Variants in HDAC2 observed in about 807,000 individuals in gnomAD.
HDAC2 encodes YY1-associated factor 1.
Under a neutral mutation model 68.5 loss-of-function variants are expected in HDAC2, and 5 were observed. The ratio of observed to expected loss-of-function variants is 0.07; its 90% confidence interval spans 0.04 to 0.15. The LOEUF (loss-of-function observed/expected upper bound fraction) is 0.15, where lower values mean the gene tolerates loss of function less well. Among genes scored for constraint, HDAC2 ranks in the 10% least tolerant of loss-of-function variants. HDAC2 has a pLI of 1.00. For missense variants in HDAC2, 291 were observed against 600.8 expected (o/e 0.48, Z 5.39); for synonymous variants, 182 against 191.3 (o/e 0.95, Z 0.40).
chr6:113,970,620 G>A (rs1367028971), intron 1 of HDAC2: 4 of 1,333,554 alleles, frequency 3.0e-6, no homozygotes, highest in Non-Finnish European at 3.8e-6. Flanking sequence ...GCCGAAGGGG[G>A]AGAGGCAGGA....
chr6:113,953,816 T>C (rs951094552), intron 5 of HDAC2, among the ~76,000 whole-genome samples: 2 of 152,266 alleles, frequency 1.3e-5, no homozygotes, highest in African/African-American at 2.4e-5. Context: ...ATTTGGCCAA[T>C]TGCCTCTTTT....
chr6:113,950,916 T>A (rs1370452142), intron 6 of HDAC2, among the ~76,000 whole-genome samples: 1 of 152,060 alleles, frequency 6.6e-6, no homozygotes, highest in Non-Finnish European at 1.5e-5. Context: ...ACACACCTCC[T>A]CTCCCAATTT....
chr6:113,966,375 C>A (rs1324689991), intron 1 of HDAC2, among the ~76,000 whole-genome samples: 2 of 151,776 alleles, frequency 1.3e-5, no homozygotes, highest in Non-Finnish European at 2.9e-5. Flanking sequence ...CATGGTAAAA[C>A]CCCCATCTCT....
Position 113,937,792 on chromosome 6 carries a change from T to C in HDAC2, c.*3266A>G, listed in dbSNP as rs1466199574. 3 of 151,808 alleles carry C rather than the reference T, an allele frequency of 2.0e-5. No individual in the cohort carries two copies. The highest frequency in any genetic ancestry group is 4.8e-5 in the African/African-American group (2 of 41,298). 9.4% of individuals were successfully genotyped at this position (151,808 alleles called of 1,614,324 possible). A position where few individuals can be genotyped will look rare whatever the true frequency, so the allele number is the denominator to read the frequency against. On this transcript the variant is annotated 3_prime_UTR_variant, in exon 14 of 14. Coordinates refer to ENST00000519065, the MANE Select transcript of HDAC2 (RefSeq NM_001527.4). ...CCCTAAGCCTAGAAGTTCTAAGATG[T>C]AGTGAGATATGATCAGGCTACCACA...
chr6:113,955,681 AT>A lies in HDAC2; in HGVS notation c.497+331del, dbSNP rs565205987. 2.6e-5 allele frequency among the ~76,000 whole-genome samples: 4 copies of A among 151,106 alleles called. No homozygotes were observed. In the South Asian group the frequency reaches 8.4e-4, roughly 32 times the overall value. On this transcript the variant is annotated intron_variant, in intron 5 of 13. Transcript: ENST00000519065. Reference sequence around the variant, plus strand: ...AGATGCATGCCACCACATCTGGCTAATTTTTTTTCTGTAGAGATGGGGTTTT... The same window carrying A: ...AGATGCATGCCACCACATCTGGCTAATTTTTTTCTGTAGAGATGGGGTTTT...
At position 113,970,905 on chromosome 6, in the gene HDAC2, C is replaced by A; in HGVS notation, c.4G>T (p.Ala2Ser). 3 of 1,549,308 alleles carry A rather than the reference C, an allele frequency of 1.9e-6. No individual in the cohort carries two copies. The highest frequency in any genetic ancestry group is 1.2e-5 in the South Asian group (1 of 84,086). The stretch of plus-strand genomic sequence containing the variant: ...TTTTTGCCGCCTCCTTGACTGTACG[C>A]CATGGGCTCCCCGGCCACCGCCGCC... MAYSQGGGKKKV... is the reference protein window; with the variant it reads MSYSQGGGKKKV... The change falls in exon 1 of 14, where the codon GCG (alanine) becomes TCG (serine). Residue 2 changes from alanine (A) to serine (S), a missense_variant. Ala to Ser is a moderately conservative substitution (Grantham distance 99). Transcript: ENST00000519065.
chr6:113,944,462 C>T (rs1270563844), intron 10 of HDAC2, 52 bp from the exon 11 acceptor site: 1 of 1,493,152 alleles, frequency 6.7e-7, no homozygotes, highest in Non-Finnish European at 9.3e-7. Context: ...CTTTGCAGTT[C>T]TTACATGCAA....
In HDAC2 at chr6:113,940,037, T is replaced by C. The variant is rs192989493; in HGVS notation, c.*1021A>G. 3.3e-5 allele frequency: 5 copies of C among 152,368 alleles called. No individual in the cohort carries two copies. Among genetic ancestry groups the C allele is most frequent in the African/African-American group, 1.2e-4 (5 of 41,596 alleles). The allele number at this position is 152,368 out of a possible 1,614,324, so 9.4% of individuals were successfully genotyped here. ...CAAGTTCCTAAAATGTTTTGTCTTC[T>C]TTGCACATCTTAGTAGCAGGAGTTA... On this transcript the variant is annotated 3_prime_UTR_variant, in exon 14 of 14. Transcript: ENST00000519065.
At chr6:113,942,686 TATA>T (rs1179387656) in intron 12 of HDAC2, among the ~76,000 whole-genome samples, 1 of 152,112 alleles carries the variant, frequency 6.6e-6, no homozygotes, top group Non-Finnish European at 1.5e-5. Flanking sequence ...TGTGAGGTGC[TATA>T]ATATGATGTG....
rs1776213174 is a variant in HDAC2, at chr6:113,944,134, G to A, written c.1222+146C>T. On this transcript the variant is annotated intron_variant, in intron 11 of 13. Coordinates refer to ENST00000519065, the MANE Select transcript of HDAC2 (RefSeq NM_001527.4). ...ACCCAAATCAGGTTCTGAGACATCAGGAAGCTAAATCTCTGAAAGTGGCAA... is the reference window on the plus strand; with the variant it reads ...ACCCAAATCAGGTTCTGAGACATCAAGAAGCTAAATCTCTGAAAGTGGCAA... The A allele has an allele frequency of 3.8e-5, 26 of 690,662 alleles. No individual in the cohort carries two copies. The South Asian group carries it at 4.7e-4, about 12-fold the overall frequency. 42.8% of individuals were successfully genotyped at this position (690,662 alleles called of 1,614,324 possible).
In HDAC2 at chr6:113,936,249, C is replaced by G. The variant is rs1390118972; in HGVS notation, c.*4809G>C. ...TGCTTGTTACATGGCCACCAAGTGACTATAAGAGAAAACACACAGAAAAAA... is the reference window on the plus strand; with the variant it reads ...TGCTTGTTACATGGCCACCAAGTGAGTATAAGAGAAAACACACAGAAAAAA... On this transcript the variant is annotated 3_prime_UTR_variant, in exon 14 of 14. Transcript: ENST00000519065. 1.3e-5 allele frequency: 2 copies of G among 152,016 alleles called. No homozygotes were observed. The highest frequency in any genetic ancestry group is 1.3e-4 in the Admixed American group (2 of 15,262). 9.4% of individuals were successfully genotyped at this position (152,016 alleles called of 1,614,324 possible).
At chr6:113,943,712 AAC>A (rs1455759327) in intron 11 of HDAC2, among the ~76,000 whole-genome samples, 9 of 152,230 alleles carry the variant, frequency 5.9e-5, no homozygotes, top group African/African-American at 1.9e-4. Context: ...ATGGCTCAAA[AAC>A]ACATAATAAA....
Position 113,943,365 on chromosome 6 carries a change from T to C in HDAC2, c.1364A>G (p.Glu455Gly), listed in dbSNP as rs1562140322. ...ACAAATCTGACCTGTTTTTTTGTCCTCTGTTTCTTTCTTATCTTCTTCAAT... is the reference window on the plus strand; with the variant it reads ...ACAAATCTGACCTGTTTTTTTGTCCCCTGTTTCTTTCTTATCTTCTTCAAT... ...ARIEEDKKET[E>G]DKKTDVKEED... The change falls in exon 12 of 14, where the codon GAG becomes GGG. Residue 455 changes from glutamate to glycine, a missense_variant. Physicochemically the swap from Glu to Gly is moderately conservative, Grantham distance 98. Around this residue, in one of 2 missense-constraint regions of HDAC2, gnomAD observed 137 missense variants for 128.7 expected, o/e 1.06. Transcript: ENST00000519065. The C allele has an allele frequency of 6.3e-7, 1 of 1,599,570 alleles. No homozygotes were observed. The highest frequency in any genetic ancestry group is 8.5e-7 in the Non-Finnish European group (1 of 1,176,200).
Position 113,939,590 on chromosome 6 carries a change from G to A in HDAC2, c.*1468C>T, listed in dbSNP as rs1374896391. The A allele has an allele frequency of 6.6e-6, 1 of 152,130 alleles. No individual in the cohort carries two copies. The highest frequency in any genetic ancestry group is 1.5e-5 in the Non-Finnish European group (1 of 68,026). The allele number at this position is 152,130 out of a possible 1,614,324, so 9.4% of individuals were successfully genotyped here. ...CTAATGTCATAAAGGTTTACAGATTGATAACAAATATGTAGCAAAAGTACA... is the reference window on the plus strand; with the variant it reads ...CTAATGTCATAAAGGTTTACAGATTAATAACAAATATGTAGCAAAAGTACA... On this transcript the variant is annotated 3_prime_UTR_variant, in exon 14 of 14. Transcript: ENST00000519065.
intron 12 of HDAC2, among the ~76,000 whole-genome samples, chr6:113,942,276 T>C (rs922481316): frequency 6.6e-6 from 1 of 152,054 alleles, no homozygotes; most frequent in Non-Finnish European, 1.5e-5. Flanking sequence ...AATTTTTGGA[T>C]GTCAATCAGT....
chr6:113,933,782 TACAC>T lies in HDAC2; in HGVS notation c.*7272_*7275del, dbSNP rs748133691. The T allele has an allele frequency of 6.6e-6, 1 of 151,876 alleles. No individual in the cohort carries two copies. The highest frequency in any genetic ancestry group is 1.5e-5 in the Non-Finnish European group (1 of 67,994). The allele number at this position is 151,876 out of a possible 1,614,324, so 9.4% of individuals were successfully genotyped here. A position where few individuals can be genotyped will look rare whatever the true frequency, so the allele number is the denominator to read the frequency against. Reference sequence around the variant, plus strand: ...GTGTATGTATATTATATAATATACATACACACACATATATACACATGTATATATA... The same window carrying T: ...GTGTATGTATATTATATAATATACATACACATATATACACATGTATATATA... On this transcript the variant is annotated 3_prime_UTR_variant, in exon 14 of 14. Coordinates refer to ENST00000519065, the MANE Select transcript of HDAC2 (RefSeq NM_001527.4).
chr6:113,951,338 C>T (rs546365578), intron 6 of HDAC2, among the ~76,000 whole-genome samples: 2 of 152,232 alleles, frequency 1.3e-5, no homozygotes, highest in Non-Finnish European at 2.9e-5. Flanking sequence ...CAAAGATACA[C>T]GTGAATTACA....
chr6:113,958,544 A>G lies in HDAC2; in HGVS notation c.283+105T>C, dbSNP rs903449776. The G allele has an allele frequency of 9.2e-6, 6 of 648,956 alleles. No individual in the cohort carries two copies. The African/African-American group carries it at 1.1e-4, about 12-fold the overall frequency. 40.2% of individuals were successfully genotyped at this position (648,956 alleles called of 1,614,324 possible). ...TTTCAAATCAGTAAATAACTGTAAC[A>G]TATTAGACCAACAGGAAAAATATTC... On this transcript the variant is annotated intron_variant, in intron 3 of 13. Coordinates refer to ENST00000519065, the MANE Select transcript of HDAC2 (RefSeq NM_001527.4).
At chr6:113,949,535 C>CAAG (rs5879240) in intron 6 of HDAC2, among the ~76,000 whole-genome samples, 151,780 of 152,326 alleles carry the variant, frequency 1, 75,620 homozygotes, top group Middle Eastern at 1. Context: ...AAATTTAACA[C>CAAG]AAGTTAAAGG....
Sources: gnomAD v4.1 joint callset for allele counts (sites outside exome capture counted in the v4.1 genomes callset) on GRCh38, gnomAD v4.1.1 for gene constraint, gnomAD v4.1.1 regional missense constraint, MANE v1.5 for transcripts, NCBI Gene and HGNC (gene_info 2026-07-23, HGNC 2026-07-21) for gene names.